Variants in NEDD4L observed in about 807,000 individuals in gnomAD.
NEDD4L encodes the protein E3 ubiquitin-protein ligase NEDD4-like.
NEDD4L carries 54 observed loss-of-function variants against 148.9 expected under a neutral mutation model. That is an observed-to-expected ratio of 0.36 (90% CI 0.29 to 0.45). NEDD4L has a LOEUF of 0.45. Among genes scored for constraint, NEDD4L ranks in the 20% least tolerant of loss-of-function variants. The pLI is 1.00. For missense variants in NEDD4L, 856 were observed against 1,233.8 expected, an observed-to-expected ratio of 0.69 and a Z score of 4.59; for synonymous variants, 433 against 440.7, an observed-to-expected ratio of 0.98 and a Z score of 0.22.
At chr18:58,195,638 G>A (rs1436006651) in intron 2 of NEDD4L, 7 of 1,350,526 alleles carry the variant, frequency 5.2e-6, no homozygotes, top group East Asian at 4.6e-5. Context: ...TCTCCTCGCC[G>A]CCGTTGCTGT....
intron 2 of NEDD4L, among the ~76,000 whole-genome samples, chr18:58,189,445 A>G (rs1251051843): frequency 1.3e-5 from 2 of 152,040 alleles, no homozygotes; most frequent in African/African-American, 2.4e-5. Context: ...AAAACCCTCG[A>G]TTTTCCTTGG....
At chr18:58,190,467 A>C (rs895646802) in intron 2 of NEDD4L, among the ~76,000 whole-genome samples, 2 of 152,228 alleles carry the variant, frequency 1.3e-5, no homozygotes, top group Non-Finnish European at 2.9e-5. Context: ...AGTAAATTGT[A>C]GATTGGTTTG....
In NEDD4L at chr18:58,334,617, A is replaced by G. The variant is rs545255236; in HGVS notation, c.1065+725A>G. The stretch of plus-strand genomic sequence containing the variant: ...GTTCAATTTGATATTTTACCTTGAC[A>G]GTTTTTGTCTGTTGCTACAAAACCT... On this transcript the variant is annotated intron_variant, in intron 12 of 30. Transcript: ENST00000400345. Among the ~76,000 whole-genome samples the G allele has an allele frequency of 3.6e-3, 542 of 152,306 alleles. 3 individuals are homozygous for G. The highest frequency in any genetic ancestry group is 0.014 in the Middle Eastern group (4 of 294).
intron 1 of NEDD4L, among the ~76,000 whole-genome samples, chr18:58,050,180 A>G (rs2081799155): frequency 6.6e-6 from 1 of 152,164 alleles, no homozygotes; most frequent in Non-Finnish European, 1.5e-5. Context: ...CAGGCCAGAC[A>G]TAGTGGCTCA....
intron 2 of NEDD4L, among the ~76,000 whole-genome samples, chr18:58,192,860 AAAAG>A (rs756307312): frequency 1.4e-4 from 21 of 152,186 alleles, no homozygotes; most frequent in Non-Finnish European, 1.9e-4. Flanking sequence ...AGATGTGAAA[AAAAG>A]AAAGAAAGAA....
intron 1 of NEDD4L, among the ~76,000 whole-genome samples, chr18:58,068,244 G>A (rs547453973): frequency 6.9e-6 from 1 of 144,488 alleles, no homozygotes; most frequent in East Asian, 2.0e-4. Context: ...CTGTTGCCCA[G>A]GCTGGAGTGC....
chr18:58,155,395 T>A (rs1339517402), intron 1 of NEDD4L, among the ~76,000 whole-genome samples: 8 of 149,712 alleles, frequency 5.3e-5, no homozygotes, highest in African/African-American at 2.0e-4. Flanking sequence ...CTGGAAAAAA[T>A]AATTTCACAA....
chr18:58,091,997 A>G (rs1020578997), intron 1 of NEDD4L, among the ~76,000 whole-genome samples: 3 of 152,200 alleles, frequency 2.0e-5, no homozygotes, highest in Non-Finnish European at 2.9e-5. Context: ...TTGAGCCATT[A>G]AGTGTCATCT....
At chr18:58,277,045 C>T (rs2052188925) in intron 5 of NEDD4L, among the ~76,000 whole-genome samples, 1 of 152,048 alleles carries the variant, frequency 6.6e-6, no homozygotes, top group South Asian at 2.1e-4. Flanking sequence ...CTTGGCTTTT[C>T]AGTGCCAGGC....
At chr18:58,395,945 A>G (rs1269548256) in intron 30 of NEDD4L, among the ~76,000 whole-genome samples, 1 of 152,120 alleles carries the variant, frequency 6.6e-6, no homozygotes, top group Non-Finnish European at 1.5e-5. Flanking sequence ...GACTATAGCA[A>G]AGGTTTCATG....
At chr18:58,222,967 C>T (rs2043931160) in intron 2 of NEDD4L, among the ~76,000 whole-genome samples, 1 of 151,252 alleles carries the variant, frequency 6.6e-6, no homozygotes, top group South Asian at 2.1e-4. Context: ...GTGCTGGCCC[C>T]AGGCTGGTGA....
In NEDD4L at chr18:58,367,789, A is replaced by G. The variant is rs2046317849; in HGVS notation, c.2107A>G (p.Asn703Asp). ...GATCAACCCTAATTCAGGCCTCTGT[A>G]ATGAGGATCATTTGTCCTACTTCAC... ...LQINPNSGLC[N>D]EDHLSYFTFI... Residue 703 changes from asparagine (N) to aspartate (D), a missense_variant, in exon 22 of 31, where the codon AAT becomes GAT. By Grantham distance (23) the Asn-to-Asp change is conservative. This residue lies in a region of NEDD4L where 286 missense variants were observed against 531.8 expected (regional missense o/e 0.54). Transcript: ENST00000400345. 1.9e-6 allele frequency: 3 copies of G among 1,613,754 alleles called. No individual in the cohort carries two copies. The highest frequency in any genetic ancestry group is 2.5e-6 in the Non-Finnish European group (3 of 1,179,782).
intron 1 of NEDD4L, among the ~76,000 whole-genome samples, chr18:58,148,904 C>T (rs1302209846): frequency 1.3e-5 from 2 of 152,168 alleles, no homozygotes; most frequent in Non-Finnish European, 2.9e-5. Flanking sequence ...TTTATGATTT[C>T]CTTATTTGCT....
At chr18:58,138,830 G>T (rs192257809) in intron 1 of NEDD4L, among the ~76,000 whole-genome samples, 42 of 152,296 alleles carry the variant, frequency 2.8e-4, no homozygotes, top group African/African-American at 9.1e-4. Flanking sequence ...TGATCACCTC[G>T]TAAAGGCTCC....
At chr18:58,132,241 G>A (rs1465795292) in intron 1 of NEDD4L, among the ~76,000 whole-genome samples, 1 of 140,050 alleles carries the variant, frequency 7.1e-6, no homozygotes, top group East Asian at 2.0e-4. Flanking sequence ...TTGTTTTGAT[G>A]GTAGTGGTGG....
chr18:58,396,400 C>A lies in NEDD4L; in HGVS notation c.*131C>A. ...CATGGTCCCTGGAGCCGAGCCTTCA[C>A]CACGCACTCGTCCAAGTTCGGATGC... On this transcript the variant is annotated 3_prime_UTR_variant, in exon 31 of 31. Transcript: ENST00000400345. 1.6e-6 allele frequency: 1 copy of A among 617,284 alleles called. No homozygotes were observed. Among genetic ancestry groups the A allele is most frequent in the Non-Finnish European group, 2.9e-6 (1 of 343,936 alleles). The allele number at this position is 617,284 out of a possible 1,614,324, so 38.2% of individuals were successfully genotyped here.
intron 1 of NEDD4L, among the ~76,000 whole-genome samples, chr18:58,098,105 T>C (rs780372363): frequency 1.3e-5 from 2 of 152,116 alleles, no homozygotes; most frequent in Non-Finnish European, 2.9e-5. Flanking sequence ...TCCAGATGAC[T>C]GTTAGAATAG....
intron 1 of NEDD4L, among the ~76,000 whole-genome samples, chr18:58,114,717 G>T (rs1272576732): frequency 6.6e-6 from 1 of 152,162 alleles, no homozygotes; most frequent in Admixed American, 6.5e-5. Flanking sequence ...TAAACTCAAG[G>T]TGTCGCCAGG....
Position 58,044,724 on chromosome 18 carries a change from T to C in NEDD4L, c.48+16T>C. On this transcript the variant is annotated intron_variant, in intron 1 of 30. Transcript: ENST00000400345. The stretch of plus-strand genomic sequence containing the variant: ...CGAAGACGAGGTGAGTGGCACCCCC[T>C]TCCTGCTCGGGACTCCCCGGGGAGT... 6.2e-7 allele frequency: 1 copy of C among 1,603,914 alleles called. No individual in the cohort carries two copies. The highest frequency in any genetic ancestry group is 8.5e-7 in the Non-Finnish European group (1 of 1,175,340).
Sources: gnomAD v4.1 joint callset for allele counts (sites outside exome capture counted in the v4.1 genomes callset) on GRCh38, gnomAD v4.1.1 for gene constraint, gnomAD v4.1.1 regional missense constraint, MANE v1.5 for transcripts, NCBI Gene and HGNC (gene_info 2026-07-23, HGNC 2026-07-21) for gene names.